Variants in ABI3 observed in about 807,000 individuals in gnomAD.
ABI3 encodes ABI gene family member 3.
ABI3 carries 24 observed loss-of-function variants against 37.0 expected under a neutral mutation model. That is an observed-to-expected ratio of 0.65 (90% CI 0.47 to 0.91). The LOEUF (loss-of-function observed/expected upper bound fraction) is 0.91. ABI3 is among the 40% of genes least tolerant of loss of function. The pLI is 0.00. For synonymous variants in ABI3, 220 were observed against 211.8 expected (o/e 1.04, Z -0.34); for missense variants, 481 against 485.1 (o/e 0.99, Z 0.08).
chr17:49,221,322 T>A (rs1015987486), intron 6 of ABI3, among the ~76,000 whole-genome samples: 1 of 149,818 alleles, frequency 6.7e-6, no homozygotes, highest in African/African-American at 2.5e-5. Flanking sequence ...TACAAAAAAA[T>A]TAGCCGGGCG....
intron 5 of ABI3, 32 bp from the exon 6 acceptor site, chr17:49,220,137 C>CCAACCCG: frequency 1.2e-6 from 2 of 1,611,006 alleles, no homozygotes; most frequent in Non-Finnish European, 1.7e-6. Context: ...TTAGGGAAGG[C>CCAACCCG]GTGTCCGCCA....
At chr17:49,216,418 G>T in intron 1 of ABI3, 113 bp from the exon 2 acceptor site, 1 of 1,043,574 alleles carries the variant, frequency 9.6e-7, no homozygotes, top group Non-Finnish European at 1.3e-6. Flanking sequence ...AAGGGTTGCT[G>T]CTCTCTCCCA....
chr17:49,222,773 A>G lies in ABI3; in HGVS notation c.*58A>G. On this transcript the variant is annotated 3_prime_UTR_variant, in exon 8 of 8. Coordinates refer to ENST00000225941, the MANE Select transcript of ABI3 (RefSeq NM_016428.3). ...CACTGAGTGGGTTTCATGAGCCCCA[A>G]GCCAAAACCAGCTCCAGTCACAGCT... The G allele has an allele frequency of 6.7e-7, 1 of 1,502,250 alleles. No individual in the cohort carries two copies. The highest frequency in any genetic ancestry group is 8.9e-7 in the Non-Finnish European group (1 of 1,119,762). The allele number at this position is 1,502,250 out of a possible 1,614,324, so 93.1% of individuals were successfully genotyped here.
At chr17:49,220,037 C>A in intron 5 of ABI3, 84 bp downstream of exon 5, 3 of 1,533,302 alleles carry the variant, frequency 2.0e-6, no homozygotes, top group East Asian at 2.4e-5. Flanking sequence ...CATAGTGACT[C>A]CTGGGCTTGA....
Position 49,223,034 on chromosome 17 carries a change from T to TCC in ABI3, c.*319_*320insCC, listed in dbSNP as rs2043310658. 4.1e-6 allele frequency: 2 copies of TCC among 482,592 alleles called. No homozygotes were observed. 29.9% of individuals were successfully genotyped at this position (482,592 alleles called of 1,614,324 possible). On this transcript the variant is annotated 3_prime_UTR_variant, in exon 8 of 8. Transcript: ENST00000225941. ...ATGTCCTGTGACTGCCCCACAGAGA[T>TCC]AAGGGGCCAGGAGGGATTGAAAGGC...
At chr17:49,222,317 T>C in intron 7 of ABI3, 92 bp downstream of exon 7, 3 of 1,501,974 alleles carry the variant, frequency 2.0e-6, no homozygotes, top group Non-Finnish European at 2.7e-6. Context: ...TGTGAATCTA[T>C]CCCCCGGGCC....
intron 1 of ABI3, among the ~76,000 whole-genome samples, chr17:49,211,087 C>A (rs1347804358): frequency 6.6e-6 from 1 of 152,126 alleles, no homozygotes; most frequent in Non-Finnish European, 1.5e-5. Context: ...ACAGACAGTG[C>A]GATTCCATCC....
intron 1 of ABI3, among the ~76,000 whole-genome samples, chr17:49,215,573 C>T (rs1035161235): frequency 5.3e-5 from 8 of 151,984 alleles, no homozygotes; most frequent in African/African-American, 1.7e-4. Flanking sequence ...TTTTGGCTCA[C>T]TGCAACCTCC....
Position 49,216,113 on chromosome 17 carries a change from G to GA in ABI3, c.118-401dup, listed in dbSNP as rs35665132. Among the ~76,000 whole-genome samples the GA allele has an allele frequency of 1.8e-3, 229 of 125,284 alleles. 1 individual carries two copies. The highest frequency in any genetic ancestry group is 5.0e-3 in the African/African-American group (170 of 33,674). 82.2% of individuals were successfully genotyped at this position (125,284 alleles called of 152,430 possible). ...GCAACAAGAGTGAAACTCCATCTCAGAAAAAAAAAAAAAAAAAGAATGTCT... is the reference window on the plus strand; with the variant it reads ...GCAACAAGAGTGAAACTCCATCTCAGAAAAAAAAAAAAAAAAAAGAATGTCT... On this transcript the variant is annotated intron_variant, in intron 1 of 7. Transcript: ENST00000225941.
chr17:49,216,142 C>T (rs1305621767), intron 1 of ABI3, among the ~76,000 whole-genome samples: 1 of 150,198 alleles, frequency 6.7e-6, no homozygotes, highest in Non-Finnish European at 1.5e-5. Context: ...AATGTCTGCT[C>T]TAGCCAGTGT....
chr17:49,214,995 T>A (rs185744179), intron 1 of ABI3, among the ~76,000 whole-genome samples: 4 of 151,956 alleles, frequency 2.6e-5, no homozygotes, highest in Non-Finnish European at 5.9e-5. Flanking sequence ...GGGGCGTAGA[T>A]AACGAAAAAA....
In ABI3 at chr17:49,222,879, A is replaced by C; in HGVS notation, c.*164A>C. Reference sequence around the variant, plus strand: ...CGGAGGGAGAAGGGGTCCTGGGGAGAGAGAATTTATCCAGAGGCCTGCTGC... The same window carrying C: ...CGGAGGGAGAAGGGGTCCTGGGGAGCGAGAATTTATCCAGAGGCCTGCTGC... On this transcript the variant is annotated 3_prime_UTR_variant, in exon 8 of 8. Coordinates refer to ENST00000225941, the MANE Select transcript of ABI3 (RefSeq NM_016428.3). 1.2e-6 allele frequency: 1 copy of C among 817,020 alleles called. No individual in the cohort carries two copies. Among genetic ancestry groups the C allele is most frequent in the Non-Finnish European group, 1.9e-6 (1 of 540,028 alleles). The allele number at this position is 817,020 out of a possible 1,614,324, so 50.6% of individuals were successfully genotyped here. A position where few individuals can be genotyped will look rare whatever the true frequency, so the allele number is the denominator to read the frequency against.
chr17:49,217,144 CCTT>C (rs2043227862), intron 2 of ABI3, among the ~76,000 whole-genome samples: 1 of 152,154 alleles, frequency 6.6e-6, no homozygotes, highest in Non-Finnish European at 1.5e-5. Context: ...ACACCCTCCT[CCTT>C]CCTTCCTGGA....
At chr17:49,217,680 G>A (rs1444354936) in intron 2 of ABI3, 59 bp from the exon 3 acceptor site, 1 of 1,505,438 alleles carries the variant, frequency 6.6e-7, no homozygotes, top group Non-Finnish European at 8.9e-7. Flanking sequence ...TTCCTCCTTA[G>A]GGGGAAGGGT....
rs750590885 is a variant in ABI3 at position 49,222,670 on chromosome 17, G to A, written c.1056G>A (p.Glu352=). 3.7e-6 allele frequency: 6 copies of A among 1,604,152 alleles called. No individual in the cohort carries two copies. Among genetic ancestry groups the A allele is most frequent in the Non-Finnish European group, 3.4e-6 (4 of 1,175,498 alleles). Residue 352 remains glutamate, a synonymous_variant, in exon 8 of 8, where the codon GAG becomes GAA. Transcript: ENST00000225941. ...GCTGGTGCGAGGGCGTCAGCTCAGA[G>A]GGGACTGGATTCTTCCCTGGGAACT... is the stretch of plus-strand genomic sequence containing the variant. ...SDGWCEGVSS[E]GTGFFPGNYV... is the part of the protein sequence containing the mutation.
chr17:49,215,538 C>T lies in ABI3; in HGVS notation c.118-993C>T, dbSNP rs186915631. Among the ~76,000 whole-genome samples the T allele has an allele frequency of 4.4e-3, 670 of 151,788 alleles. 6 individuals are homozygous for T. The highest frequency in any genetic ancestry group is 0.016 in the African/African-American group (646 of 41,408). ...TTTGAGACAGGGTCTCACTCTGTCA[C>T]GCAGGCTGGAGTGCAGTGATGTGAT... On this transcript the variant is annotated intron_variant, in intron 1 of 7. Coordinates refer to ENST00000225941, the MANE Select transcript of ABI3 (RefSeq NM_016428.3).
At position 49,220,274 on chromosome 17, in the gene ABI3, C is replaced by G. The variant is rs375202610; in HGVS notation, c.750C>G (p.Val250=). The G allele has an allele frequency of 2.5e-6, 4 of 1,606,134 alleles. No individual in the cohort carries two copies. Among genetic ancestry groups the G allele is most frequent in the South Asian group, 2.2e-5 (2 of 89,672 alleles). The part of the protein sequence containing the change: ...SLDPPPPPAA[V]EVFQRPPTLE... ...ACCCACCTCCTCCACCAGCAGCCGT[C>G]GAGGTGTTCCAGCGGCCTCCCACGC... Residue 250 remains valine, a synonymous_variant, in exon 6 of 8, where the codon GTC becomes GTG. Transcript: ENST00000225941.
intron 5 of ABI3, 56 bp from the exon 6 acceptor site, chr17:49,220,113 T>C (rs2043266380): frequency 4.4e-6 from 7 of 1,608,364 alleles, no homozygotes; most frequent in South Asian, 1.1e-5. Flanking sequence ...GTGGGGCCAG[T>C]TGGGGATGCT....
In ABI3 at chr17:49,219,183, C is replaced by A. The variant is rs1474177992; in HGVS notation, c.463-357C>A. Among the ~76,000 whole-genome samples the A allele has an allele frequency of 1.3e-5, 2 of 152,166 alleles. No individual in the cohort carries two copies. Among genetic ancestry groups the A allele is most frequent in the Non-Finnish European group, 2.9e-5 (2 of 68,028 alleles). The stretch of plus-strand genomic sequence containing the variant: ...CTAAGTGTGATGTGTCCTCTCCTTT[C>A]TCCGCCCCCTCCTCAGCCCGATCAA... On this transcript the variant is annotated intron_variant, in intron 3 of 7. Transcript: ENST00000225941. The surrounding 1 kb of genome is among the most constrained non-coding windows in gnomAD (Gnocchi z 4.3).
Sources: gnomAD v4.1 joint callset for allele counts (sites outside exome capture counted in the v4.1 genomes callset) on GRCh38, gnomAD v4.1.1 for gene constraint, Gnocchi (gnomAD v3.1) non-coding constraint, MANE v1.5 for transcripts, NCBI Gene and HGNC (gene_info 2026-07-23, HGNC 2026-07-21) for gene names.